Variants in OGFOD3 observed in about 807,000 individuals in gnomAD.
OGFOD3 encodes the protein 2-oxoglutarate and iron-dependent oxygenase domain-containing protein 3.
Under a neutral mutation model 39.8 loss-of-function variants are expected in OGFOD3, and 35 were observed. The observed-to-expected ratio is 0.88, with a 90% CI of 0.67 to 1.17. The LOEUF is 1.17. OGFOD3 is among the 50% of genes most tolerant of loss of function. The pLI is 0.00. For missense variants in OGFOD3, 438 were observed against 454.5 expected (o/e 0.96, Z 0.33); for synonymous variants, 200 against 192.0 (o/e 1.04, Z -0.34).
At chr17:82,395,777 C>T (rs947684340) in intron 8 of OGFOD3, among the ~76,000 whole-genome samples, 3 of 152,140 alleles carry the variant, frequency 2.0e-5, no homozygotes, top group African/African-American at 7.2e-5. Flanking sequence ...GCCGAGATCG[C>T]ACCACTGCAC....
intron 8 of OGFOD3, among the ~76,000 whole-genome samples, chr17:82,395,823 A>C (rs1341959073): frequency 6.6e-6 from 1 of 152,250 alleles, no homozygotes; most frequent in African/African-American, 2.4e-5. Context: ...TCCGTCTCAA[A>C]AGAAAAAAAA....
intron 2 of OGFOD3, 162 bp from the exon 3 acceptor site, chr17:82,411,692 T>G (rs1812795006): frequency 1.7e-6 from 1 of 589,226 alleles, no homozygotes; most frequent in Non-Finnish European, 3.0e-6. Flanking sequence ...GCGGTGCATC[T>G]GGAGTTCACG....
intron 2 of OGFOD3, among the ~76,000 whole-genome samples, chr17:82,414,143 G>A (rs1201431907): frequency 2.0e-5 from 3 of 151,712 alleles, no homozygotes; most frequent in East Asian, 3.9e-4. Context: ...CTTTTTTGGC[G>A]GGGGGTCAGG....
chr17:82,410,369 CA>C (rs1249666839), intron 3 of OGFOD3, among the ~76,000 whole-genome samples: 1 of 152,246 alleles, frequency 6.6e-6, no homozygotes, highest in Non-Finnish European at 1.5e-5. Context: ...ATCGTCTCAA[CA>C]AGTGGTTGGA....
At chr17:82,394,614 C>A (rs953082342) in intron 8 of OGFOD3, 3 of 1,264,040 alleles carry the variant, frequency 2.4e-6, no homozygotes, top group East Asian at 4.9e-5. Flanking sequence ...ACACCCTACA[C>A]CCTCCAGAGA....
chr17:82,394,483 C>A lies in OGFOD3; in HGVS notation c.824-1949G>T. 2.5e-6 allele frequency: 4 copies of A among 1,614,056 alleles called. No homozygotes were observed. Among genetic ancestry groups the A allele is most frequent in the Non-Finnish European group, 3.4e-6 (4 of 1,179,984 alleles). ...TCCAGCCTTCGCACCAGCAGCTTCA[C>A]TGGCTCTCGGTCCATTAACTTCTTG... On this transcript the variant is annotated intron_variant, in intron 8 of 8. Transcript: ENST00000313056.
intron 2 of OGFOD3, chr17:82,411,794 A>T: frequency 2.0e-6 from 1 of 500,248 alleles, no homozygotes; most frequent in East Asian, 3.8e-5. Context: ...AAAGTCACAG[A>T]AACCCCAGAC....
In OGFOD3 at chr17:82,404,464, G is replaced by C. The variant is rs575919939; in HGVS notation, c.546-374C>G. Among the ~76,000 whole-genome samples, 2 of 152,188 alleles carry C rather than the reference G, an allele frequency of 1.3e-5. No homozygotes were observed. Among genetic ancestry groups the C allele is most frequent in the Non-Finnish European group, 2.9e-5 (2 of 68,030 alleles). Reference sequence around the variant, plus strand: ...AACGAAGAGGCTGCTGTCCCCCAACGTGAGTGTGCGGGGTGTGTGGACGTG... The same window carrying C: ...AACGAAGAGGCTGCTGTCCCCCAACCTGAGTGTGCGGGGTGTGTGGACGTG... On this transcript the variant is annotated intron_variant, in intron 6 of 8. Coordinates refer to ENST00000313056, the MANE Select transcript of OGFOD3 (RefSeq NM_024648.3). The surrounding 1 kb of genome is among the most constrained non-coding windows in gnomAD (Gnocchi z 4.5).
chr17:82,396,677 G>A (rs942913522), intron 8 of OGFOD3: 1 of 152,196 alleles, frequency 6.6e-6, no homozygotes, highest in African/African-American at 2.4e-5. Flanking sequence ...GTCCCAGGAG[G>A]CTTCAGCTGC....
In OGFOD3 at chr17:82,418,440, C is replaced by T. The variant is rs1188252081; in HGVS notation, c.46G>A (p.Gly16Arg). Residue 16 changes from glycine to arginine, a missense_variant, in exon 1 of 9, where the codon GGA becomes AGA. Gly to Arg is a moderately radical substitution (Grantham distance 125, BLOSUM62 -2). Transcript: ENST00000313056. ...RAATKAPEGN[G>R]AAERRNRSST... ...CTCCGGTTCCGGCGCTCGGCCGCTC[C>T]GTTGCCCTCGGGCGCCTTGGTTGCG... The T allele has an allele frequency of 3.4e-6, 5 of 1,478,086 alleles. No individual in the cohort carries two copies. Among genetic ancestry groups the T allele is most frequent in the Non-Finnish European group, 3.6e-6 (4 of 1,120,388 alleles). The allele number at this position is 1,478,086 out of a possible 1,614,324, so 91.6% of individuals were successfully genotyped here.
chr17:82,414,184 G>T (rs2052997586), intron 2 of OGFOD3, among the ~76,000 whole-genome samples: 1 of 152,110 alleles, frequency 6.6e-6, no homozygotes, highest in Non-Finnish European at 1.5e-5. Context: ...CTGGAGTGCG[G>T]TGGCACACTC....
chr17:82,403,145 G>A (rs1248222321), intron 7 of OGFOD3, among the ~76,000 whole-genome samples: 4 of 152,224 alleles, frequency 2.6e-5, no homozygotes, highest in Non-Finnish European at 4.4e-5. Context: ...GAGAGCATGA[G>A]TGGCTGAGCA....
rs955767096 is a variant in OGFOD3, at chr17:82,404,149, C to T, written c.546-59G>A. ...CAGGCGGGAGGGGACGCTCGTGGGT[C>T]CCAACCCGTGGGTGGCAGGAAAGGA... is the stretch of plus-strand genomic sequence containing the variant. On this transcript the variant is annotated intron_variant, in intron 6 of 8. Coordinates refer to ENST00000313056, the MANE Select transcript of OGFOD3 (RefSeq NM_024648.3). The surrounding 1 kb of genome is among the most constrained non-coding windows in gnomAD (Gnocchi z 4.5). 1.2e-5 allele frequency: 18 copies of T among 1,487,372 alleles called. No homozygotes were observed. The African/African-American group carries it at 1.8e-4, about 15-fold the overall frequency. The allele number at this position is 1,487,372 out of a possible 1,614,324, so 92.1% of individuals were successfully genotyped here. A position where few individuals can be genotyped will look rare whatever the true frequency, so the allele number is the denominator to read the frequency against.
chr17:82,395,151 C>T (rs974135446), intron 8 of OGFOD3, among the ~76,000 whole-genome samples: 27 of 152,322 alleles, frequency 1.8e-4, no homozygotes, highest in African/African-American at 6.3e-4. Context: ...CCCATCTCAG[C>T]CTCCTGAGTA....
In OGFOD3 at chr17:82,394,563, A is replaced by G. The variant is rs116685387; in HGVS notation, c.824-2029T>C. On this transcript the variant is annotated intron_variant, in intron 8 of 8. Transcript: ENST00000313056. ...AACATCCTGGGGACACAGGACAGGGATTGTGTGGTAAAGGGTTGACTCCAG... is the reference window on the plus strand; with the variant it reads ...AACATCCTGGGGACACAGGACAGGGGTTGTGTGGTAAAGGGTTGACTCCAG... The G allele has an allele frequency of 8.6e-4, 1,360 of 1,585,392 alleles. 9 individuals are homozygous for G. In the African/African-American group the frequency reaches 0.016, roughly 19 times the overall value.
chr17:82,414,620 T>C (rs1392536223), intron 2 of OGFOD3, among the ~76,000 whole-genome samples: 1 of 152,158 alleles, frequency 6.6e-6, no homozygotes, highest in Non-Finnish European at 1.5e-5. Flanking sequence ...TCCGAGGCGG[T>C]CCCGTCCCTC....
chr17:82,397,422 A>AGGGG (rs2052693233), intron 8 of OGFOD3, among the ~76,000 whole-genome samples: 1 of 28,302 alleles, frequency 3.5e-5, no homozygotes, highest in Non-Finnish European at 8.4e-5. Context: ...GGGTGAGGGC[A>AGGGG]GTGCCCTGGG....
chr17:82,403,932 C>T lies in OGFOD3; in HGVS notation c.699+5G>A, dbSNP rs1323454096. Reference sequence around the variant, plus strand: ...CACGCTCACCCTGCCCACGGGCGCGCTCACCTTGTCCACGTGCGCATGCCA... The same window carrying T: ...CACGCTCACCCTGCCCACGGGCGCGTTCACCTTGTCCACGTGCGCATGCCA... On this transcript the variant is annotated splice_donor_5th_base_variant and intron_variant, in intron 7 of 8. Transcript: ENST00000313056. The T allele has an allele frequency of 1.3e-6, 2 of 1,599,698 alleles. No individual in the cohort carries two copies. Among genetic ancestry groups the T allele is most frequent in the African/African-American group, 1.3e-5 (1 of 74,954 alleles).
intron 3 of OGFOD3, 48 bp downstream of exon 3, chr17:82,411,407 C>G: frequency 6.5e-7 from 1 of 1,544,452 alleles, no homozygotes. Context: ...TAGCCCCACT[C>G]CGCGTGTGTT....
Sources: gnomAD v4.1 joint callset for allele counts (sites outside exome capture counted in the v4.1 genomes callset) on GRCh38, gnomAD v4.1.1 for gene constraint, Gnocchi (gnomAD v3.1) non-coding constraint, MANE v1.5 for transcripts, NCBI Gene and HGNC (gene_info 2026-07-23, HGNC 2026-07-21) for gene names.